Variants in UBE4B observed in about 807,000 individuals in gnomAD.
The protein encoded by UBE4B is ubiquitination factor E4B.
A neutral mutation model predicts 148.1 loss-of-function variants in UBE4B; 27 were observed. The ratio of observed to expected loss-of-function variants is 0.18; its 90% confidence interval spans 0.13 to 0.25. The LOEUF (loss-of-function observed/expected upper bound fraction) is 0.25, where lower values mean the gene tolerates loss of function less well. UBE4B is among the 10% of genes least tolerant of loss of function. UBE4B has a pLI of 1.00. For missense variants in UBE4B, 1,170 were observed against 1,662.4 expected, an observed-to-expected ratio of 0.70 and a Z score of 5.15; for synonymous variants, 596 against 619.3, an observed-to-expected ratio of 0.96 and a Z score of 0.56.
In UBE4B at chr1:10,135,114, A is replaced by C; in HGVS notation, c.2152A>C (p.Ile718Leu). ...GTATATTTTTCACCCAAGATGTCGG[A>C]TTACTCTTCCCAATGATGAGACGCG... Reference protein sequence around the residue: ...PTYIFHPRCRITLPNDETRVN... With the variant: ...PTYIFHPRCRLTLPNDETRVN... Residue 718 changes from isoleucine (I) to leucine (L), a missense_variant, in exon 16 of 28, where the codon ATT (isoleucine) becomes CTT (leucine). Around this residue, in one of 6 missense-constraint regions of UBE4B, gnomAD observed 388 missense variants for 536.0 expected, o/e 0.72. Coordinates refer to ENST00000343090, the MANE Select transcript of UBE4B (RefSeq NM_001105562.3). The C allele has an allele frequency of 2.5e-6, 4 of 1,614,122 alleles. No individual in the cohort carries two copies. The highest frequency in any genetic ancestry group is 3.4e-6 in the Non-Finnish European group (4 of 1,180,008).
At chr1:10,033,924 T>C (rs1643402024) in intron 1 of UBE4B, among the ~76,000 whole-genome samples, 1 of 152,192 alleles carries the variant, frequency 6.6e-6, no homozygotes, top group Admixed American at 6.5e-5. Context: ...GAGTGTTCTT[T>C]TAGGGTATGA....
At chr1:10,103,285 AT>A (rs1325203475) in intron 5 of UBE4B, 193 bp downstream of exon 5, 1 of 455,116 alleles carries the variant, frequency 2.2e-6, no homozygotes, top group Admixed American at 3.4e-5. Flanking sequence ...TCGATAACTT[AT>A]TTTTCATTTC....
intron 1 of UBE4B, among the ~76,000 whole-genome samples, chr1:10,040,317 C>T (rs1418555675): frequency 6.6e-6 from 1 of 151,952 alleles, no homozygotes; most frequent in Non-Finnish European, 1.5e-5. Flanking sequence ...ACCATATTGG[C>T]CAGGCTGGTC....
chr1:10,068,549 C>T (rs1352791134), intron 1 of UBE4B, among the ~76,000 whole-genome samples: 2 of 151,814 alleles, frequency 1.3e-5, no homozygotes, highest in South Asian at 2.1e-4. Context: ...TGGGGTTTCC[C>T]CGTGTTAGTC....
In UBE4B at chr1:10,033,629, A is replaced by G; in HGVS notation, c.-42A>G. 6.6e-7 allele frequency: 1 copy of G among 1,514,416 alleles called. No homozygotes were observed. Among genetic ancestry groups the G allele is most frequent in the Non-Finnish European group, 8.9e-7 (1 of 1,129,560 alleles). 93.8% of individuals were successfully genotyped at this position (1,514,416 alleles called of 1,614,324 possible). A position where few individuals can be genotyped will look rare whatever the true frequency, so the allele number is the denominator to read the frequency against. ...CCTCCCGCCGTGGTCTCGAGAACAG[A>G]AGGATCTCTCCTTAACGCCTTTCAC... On this transcript the variant is annotated 5_prime_UTR_variant, in exon 1 of 28. Transcript: ENST00000343090.
At chr1:10,051,100 G>A (rs1377283583) in intron 1 of UBE4B, among the ~76,000 whole-genome samples, 1 of 152,066 alleles carries the variant, frequency 6.6e-6, no homozygotes, top group African/African-American at 2.4e-5. Flanking sequence ...TCAAACTCCT[G>A]GGCTCAGATG....
At chr1:10,049,708 T>C (rs1643992286) in intron 1 of UBE4B, among the ~76,000 whole-genome samples, 1 of 152,038 alleles carries the variant, frequency 6.6e-6, no homozygotes, top group African/African-American at 2.4e-5. Flanking sequence ...TGAGACCAAC[T>C]TGGACAACAT....
At chr1:10,103,632 G>GTTTTTTTTTTTTTTT (rs1186811301) in intron 5 of UBE4B, among the ~76,000 whole-genome samples, 6 of 106,502 alleles carry the variant, frequency 5.6e-5, no homozygotes, top group Non-Finnish European at 1.0e-4. Context: ...TTTTGTTTTT[G>GTTTTTTTTTTTTTTT]TTTTTTTTTT....
chr1:10,088,870 G>C (rs1379090206), intron 2 of UBE4B, among the ~76,000 whole-genome samples: 1 of 151,192 alleles, frequency 6.6e-6, no homozygotes, highest in Admixed American at 6.6e-5. Context: ...GTAGAGATGG[G>C]GTCTCTCTAT....
At chr1:10,041,859 G>A (rs1416852493) in intron 1 of UBE4B, among the ~76,000 whole-genome samples, 4 of 151,196 alleles carry the variant, frequency 2.6e-5, no homozygotes, top group Admixed American at 6.6e-5. Context: ...ACTACTGCCC[G>A]GCTAATTTTT....
chr1:10,043,652 G>T (rs1046094700), intron 1 of UBE4B, among the ~76,000 whole-genome samples: 130 of 151,182 alleles, frequency 8.6e-4, no homozygotes, highest in Non-Finnish European at 1.8e-3. Context: ...ATGGTCTCGA[G>T]CTCCTGACCT....
intron 21 of UBE4B, among the ~76,000 whole-genome samples, chr1:10,152,029 C>A (rs1032519775): frequency 6.6e-6 from 1 of 151,666 alleles, no homozygotes; most frequent in Non-Finnish European, 1.5e-5. Flanking sequence ...GAGGCCGAGG[C>A]GGGCGGATCA....
At chr1:10,044,199 G>T (rs1643871307) in intron 1 of UBE4B, among the ~76,000 whole-genome samples, 1 of 152,050 alleles carries the variant, frequency 6.6e-6, no homozygotes, top group African/African-American at 2.4e-5. Flanking sequence ...GTGTATAGGT[G>T]CGTGCCACCA....
chr1:10,090,006 T>C (rs1257556073), intron 2 of UBE4B, among the ~76,000 whole-genome samples: 1 of 152,078 alleles, frequency 6.6e-6, no homozygotes, highest in Admixed American at 6.6e-5. Context: ...CTTTTGTAAT[T>C]TTTGAGTGTA....
intron 27 of UBE4B, 21 bp from the exon 28 acceptor site, chr1:10,179,871 ATCC>A (rs765414274): frequency 4.3e-6 from 7 of 1,612,864 alleles, no homozygotes; most frequent in Non-Finnish European, 5.9e-6. Flanking sequence ...TGGGGCATTA[ATCC>A]TCCTTTTTTT....
intron 1 of UBE4B, among the ~76,000 whole-genome samples, chr1:10,064,766 CT>C (rs1210924189): frequency 2.2e-3 from 308 of 139,082 alleles, no homozygotes; most frequent in South Asian, 4.2e-3. Context: ...CTATTCTGGA[CT>C]TTTTTTTTTT....
chr1:10,048,262 G>A (rs1195129536), intron 1 of UBE4B, among the ~76,000 whole-genome samples: 2 of 152,208 alleles, frequency 1.3e-5, no homozygotes, highest in African/African-American at 4.8e-5. Context: ...AATTGAAAGA[G>A]AAGATTGGGA....
intron 17 of UBE4B, among the ~76,000 whole-genome samples, chr1:10,141,104 A>G (rs1229818314): frequency 6.6e-6 from 1 of 152,160 alleles, no homozygotes; most frequent in African/African-American, 2.4e-5. Context: ...CCATTCCCAT[A>G]CATAATCCTA....
chr1:10,148,401 G>A (rs1261277383), intron 19 of UBE4B, among the ~76,000 whole-genome samples: 2 of 152,002 alleles, frequency 1.3e-5, no homozygotes, highest in South Asian at 2.1e-4. Flanking sequence ...GAAGGCTGAG[G>A]CAGGCGGATC....
Sources: gnomAD v4.1 joint callset for allele counts (sites outside exome capture counted in the v4.1 genomes callset) on GRCh38, gnomAD v4.1.1 for gene constraint, gnomAD v4.1.1 regional missense constraint, MANE v1.5 for transcripts, NCBI Gene and HGNC (gene_info 2026-07-23, HGNC 2026-07-21) for gene names.